Variants in PIK3C2G observed in about 807,000 individuals in gnomAD.
PIK3C2G encodes phosphatidylinositol 3-kinase C2 domain-containing subunit gamma.
Under a neutral mutation model 181.1 loss-of-function variants are expected in PIK3C2G, and 168 were observed. The observed-to-expected ratio is 0.93, with a 90% CI of 0.82 to 1.05. The LOEUF (loss-of-function observed/expected upper bound fraction) is 1.05. Ranked by LOEUF, PIK3C2G falls within the 50% of genes least tolerant of loss-of-function variation. The pLI, the probability that PIK3C2G is intolerant of heterozygous loss-of-function variation, is 0.00. For synonymous variants in PIK3C2G, 573 were observed against 592.2 expected, an observed-to-expected ratio of 0.97 and a Z score of 0.47; for missense variants, 1,869 against 1,732.8, an observed-to-expected ratio of 1.08 and a Z score of -1.40.
intron 8 of PIK3C2G, among the ~76,000 whole-genome samples, chr12:18,326,995 T>C (rs938856725): frequency 3.3e-5 from 5 of 152,142 alleles, no homozygotes; most frequent in African/African-American, 1.2e-4. Flanking sequence ...ATTACTTATG[T>C]ATGAAGCCTC....
intron 18 of PIK3C2G, among the ~76,000 whole-genome samples, chr12:18,430,549 C>T (rs1946098291): frequency 6.6e-6 from 1 of 152,174 alleles, no homozygotes; most frequent in Non-Finnish European, 1.5e-5. Context: ...CAATAATTTA[C>T]TATTCAATGT....
At chr12:18,675,665 A>G in the PIK3C2G span, among the ~76,000 whole-genome samples, 4 of 152,182 alleles carry the variant, frequency 2.6e-5, no homozygotes, top group South Asian at 2.1e-4. Context: ...TGATATATAT[A>G]TCTATACCAT....
chr12:18,507,136 T>A (rs537657283), intron 24 of PIK3C2G, among the ~76,000 whole-genome samples: 10 of 152,200 alleles, frequency 6.6e-5, no homozygotes, highest in African/African-American at 2.4e-4. Flanking sequence ...TTCAAGCGAT[T>A]CTCCTGCCTC....
At chr12:18,698,288 C>CTATTCTACTCCAT in the PIK3C2G span, among the ~76,000 whole-genome samples, 5 of 54,872 alleles carry the variant, frequency 9.1e-5, no homozygotes, top group African/African-American at 3.3e-4. Context: ...TTCTATTCTA[C>CTATTCTACTCCAT]TCCATTCCAT....
intron 24 of PIK3C2G, among the ~76,000 whole-genome samples, chr12:18,507,047 TG>T (rs1030847914): frequency 2.5e-4 from 38 of 152,098 alleles, no homozygotes; most frequent in African/African-American, 8.7e-4. Flanking sequence ...TTTTTTTTTT[TG>T]AGATGGAGTC....
chr12:18,491,118 G>A (rs560040339), intron 19 of PIK3C2G, among the ~76,000 whole-genome samples: 2 of 152,284 alleles, frequency 1.3e-5, no homozygotes, highest in Admixed American at 1.3e-4. Flanking sequence ...ATAAAGCAGG[G>A]TTTCCAAATT....
intron 31 of PIK3C2G, among the ~76,000 whole-genome samples, chr12:18,633,028 G>A (rs1489706838): frequency 6.6e-6 from 1 of 152,080 alleles, no homozygotes; most frequent in East Asian, 1.9e-4. Flanking sequence ...CTCCTTAACA[G>A]TCCTTACTCT....
chr12:18,664,240 T>A, the PIK3C2G span, among the ~76,000 whole-genome samples: 78,941 of 152,010 alleles, frequency 0.52, 21,635 homozygotes, highest in South Asian at 0.66. Flanking sequence ...TAAACATAGA[T>A]TTACCACATA....
At chr12:18,682,684 T>C in the PIK3C2G span, among the ~76,000 whole-genome samples, 16 of 152,002 alleles carry the variant, frequency 1.1e-4, no homozygotes, top group African/African-American at 3.6e-4. Flanking sequence ...GGCAAATCAA[T>C]TTTATACACA....
intron 18 of PIK3C2G, among the ~76,000 whole-genome samples, chr12:18,488,078 T>C (rs1191848678): frequency 1.3e-5 from 2 of 152,138 alleles, no homozygotes; most frequent in Non-Finnish European, 2.9e-5. Context: ...TGTTTGAGTC[T>C]CCATATAGTA....
chr12:18,330,550 G>A (rs971325535), intron 8 of PIK3C2G, among the ~76,000 whole-genome samples: 7 of 152,092 alleles, frequency 4.6e-5, no homozygotes, highest in African/African-American at 1.4e-4. Context: ...TGATGATGCC[G>A]AATTACTTTT....
chr12:18,373,235 G>C (rs1164055898), intron 13 of PIK3C2G, among the ~76,000 whole-genome samples: 1 of 152,170 alleles, frequency 6.6e-6, no homozygotes, highest in Non-Finnish European at 1.5e-5. Flanking sequence ...ATTGGTGACT[G>C]AATTTCATTT....
At chr12:18,330,771 C>T (rs1452472423) in intron 8 of PIK3C2G, among the ~76,000 whole-genome samples, 1 of 152,086 alleles carries the variant, frequency 6.6e-6, no homozygotes, top group East Asian at 1.9e-4. Context: ...TAATATGTTC[C>T]AGAAGAAAGT....
intron 30 of PIK3C2G, among the ~76,000 whole-genome samples, chr12:18,600,444 C>T (rs12309367): frequency 0.045 from 6,880 of 151,780 alleles, 533 homozygotes; most frequent in African/African-American, 0.16. Context: ...AGTTACAAAC[C>T]AAACCAAATA....
At chr12:18,582,121 G>T (rs559765665) in intron 29 of PIK3C2G, among the ~76,000 whole-genome samples, 4 of 152,284 alleles carry the variant, frequency 2.6e-5, no homozygotes, top group African/African-American at 7.2e-5. Context: ...AGGATGGCCA[G>T]CTAGAAGCAG....
chr12:18,692,634 A>G, the PIK3C2G span: 1 of 597,922 alleles, frequency 1.7e-6, no homozygotes, highest in East Asian at 2.9e-5. Flanking sequence ...GCAATGGGGC[A>G]GGAGGACTAA....
At chr12:18,267,860 C>T (rs1343312553) in intron 1 of PIK3C2G, among the ~76,000 whole-genome samples, 1 of 152,104 alleles carries the variant, frequency 6.6e-6, no homozygotes, top group Admixed American at 6.6e-5. Context: ...AACATTCATC[C>T]CCCGTTCCTA....
chr12:18,578,759 A>G (rs1946350464), intron 29 of PIK3C2G, among the ~76,000 whole-genome samples: 1 of 152,110 alleles, frequency 6.6e-6, no homozygotes, highest in South Asian at 2.1e-4. Context: ...TCTATATGCC[A>G]TAAATATTTT....
At chr12:18,710,547 C>G in the PIK3C2G span, among the ~76,000 whole-genome samples, 53 of 151,958 alleles carry the variant, frequency 3.5e-4, no homozygotes, top group African/African-American at 1.2e-3. Flanking sequence ...ATGACATAGT[C>G]TGAGTTACCA....
Sources: gnomAD v4.1 joint callset for allele counts (sites outside exome capture counted in the v4.1 genomes callset) on GRCh38, gnomAD v4.1.1 for gene constraint, MANE v1.5 for transcripts, NCBI Gene and HGNC (gene_info 2026-07-23, HGNC 2026-07-21) for gene names.